The following POT1 variants were observed in gnomAD, a reference collection of about 807,000 sequenced individuals.
POT1 encodes the protein protection of telomeres 1.
Under a neutral mutation model 78.5 loss-of-function variants are expected in POT1, and 47 were observed. The observed-to-expected ratio is 0.60, with a 90% CI of 0.47 to 0.76. The LOEUF (loss-of-function observed/expected upper bound fraction) is 0.76, where lower values mean the gene tolerates loss of function less well. POT1 is among the 30% of genes least tolerant of loss of function. The pLI, the probability that POT1 is intolerant of heterozygous loss-of-function variation, is 0.00. For synonymous variants in POT1, 259 were observed against 260.7 expected (o/e 0.99, Z 0.06); for missense variants, 646 against 749.9 (o/e 0.86, Z 1.62).
intron 3 of POT1, among the ~76,000 whole-genome samples, chr7:124,913,782 T>A (rs1796948566): frequency 1.3e-5 from 2 of 152,126 alleles, no homozygotes; most frequent in South Asian, 2.1e-4. Context: ...AATTGGAACG[T>A]CTTTTATTTC....
chr7:124,922,560 T>G (rs971659439), intron 2 of POT1, among the ~76,000 whole-genome samples: 1 of 151,866 alleles, frequency 6.6e-6, no homozygotes, highest in African/African-American at 2.4e-5. Context: ...AACTGTAACA[T>G]GGGGAGTGGT....
chr7:124,823,895 A>G lies in POT1; in HGVS notation c.*67T>C. Reference sequence around the variant, plus strand: ...ACATTGCTGATACAAAACTCAGGTCAGGAAAAGAAGCTCAAACAGGGAAGG... The same window carrying G: ...ACATTGCTGATACAAAACTCAGGTCGGGAAAAGAAGCTCAAACAGGGAAGG... On this transcript the variant is annotated 3_prime_UTR_variant, in exon 19 of 19. Transcript: ENST00000357628. The G allele has an allele frequency of 1.0e-6, 1 of 1,001,092 alleles. No homozygotes were observed. 62.0% of individuals were successfully genotyped at this position (1,001,092 alleles called of 1,614,324 possible).
At chr7:124,829,595 C>T (rs1245243588) in intron 15 of POT1, among the ~76,000 whole-genome samples, 1 of 151,988 alleles carries the variant, frequency 6.6e-6, no homozygotes, top group Non-Finnish European at 1.5e-5. Flanking sequence ...ACAGGGTGCT[C>T]GGTTCCAGGT....
intron 2 of POT1, among the ~76,000 whole-genome samples, chr7:124,918,691 T>C (rs1237794626): frequency 1.3e-5 from 2 of 152,180 alleles, no homozygotes; most frequent in African/African-American, 2.4e-5. Context: ...CCAGAGAGAC[T>C]GATGTCCCAG....
At chr7:124,890,526 T>C (rs1022737604) in intron 6 of POT1, among the ~76,000 whole-genome samples, 1 of 152,014 alleles carries the variant, frequency 6.6e-6, no homozygotes, top group African/African-American at 2.4e-5. Flanking sequence ...CAAAGAAATC[T>C]TTTGTAAAAG....
intron 14 of POT1, among the ~76,000 whole-genome samples, chr7:124,837,372 T>C (rs889444402): frequency 1.8e-4 from 28 of 152,092 alleles, no homozygotes; most frequent in Non-Finnish European, 1.5e-5. Context: ...TTGGAAACAA[T>C]ACAAAATGTT....
chr7:124,847,046 G>A, intron 11 of POT1, 48 bp from the exon 12 acceptor site: 1 of 1,305,908 alleles, frequency 7.7e-7, no homozygotes, highest in Non-Finnish European at 1.1e-6. Context: ...CAACTTCATT[G>A]TAGAACTGAA....
intron 11 of POT1, 142 bp from the exon 12 acceptor site, chr7:124,847,140 T>C: frequency 4.9e-6 from 3 of 606,382 alleles, no homozygotes; most frequent in Non-Finnish European, 8.8e-6. Context: ...GAAGGCTCAA[T>C]ATTGTTAAGA....
chr7:124,842,611 T>C (rs1795054528), intron 13 of POT1, among the ~76,000 whole-genome samples, 196 bp downstream of exon 13: 1 of 151,992 alleles, frequency 6.6e-6, no homozygotes, highest in African/African-American at 2.4e-5. Flanking sequence ...GATCTGAAAA[T>C]AGCACCCACT....
intron 9 of POT1, among the ~76,000 whole-genome samples, chr7:124,857,855 T>G (rs1371973138): frequency 6.6e-6 from 1 of 152,196 alleles, no homozygotes; most frequent in Non-Finnish European, 1.5e-5. Flanking sequence ...ACTAAGCTGT[T>G]AACACTTAAG....
At chr7:124,896,415 C>G (rs1796492297) in intron 5 of POT1, among the ~76,000 whole-genome samples, 1 of 151,632 alleles carries the variant, frequency 6.6e-6, no homozygotes, top group African/African-American at 2.4e-5. Flanking sequence ...AAAAGTACAT[C>G]AGTTCTTTTA....
intron 14 of POT1, among the ~76,000 whole-genome samples, chr7:124,839,967 G>A (rs1794987084): frequency 6.7e-6 from 1 of 150,352 alleles, no homozygotes; most frequent in African/African-American, 2.4e-5. Context: ...TCTCAGTGTT[G>A]TACATTCTAT....
intron 2 of POT1, among the ~76,000 whole-genome samples, chr7:124,919,259 G>A (rs551551454): frequency 8.5e-5 from 13 of 152,244 alleles, no homozygotes; most frequent in African/African-American, 2.6e-4. Context: ...GTTATGGGAT[G>A]GACCACCATC....
chr7:124,906,927 G>A (rs576111623), intron 3 of POT1, among the ~76,000 whole-genome samples: 1 of 152,126 alleles, frequency 6.6e-6, no homozygotes, highest in Admixed American at 6.6e-5. Context: ...TCATTAGATC[G>A]AATTGAAAAT....
intron 11 of POT1, among the ~76,000 whole-genome samples, chr7:124,850,322 T>A (rs1002539201): frequency 2.0e-5 from 3 of 152,236 alleles, no homozygotes; most frequent in African/African-American, 7.2e-5. Flanking sequence ...TGTCATCAGT[T>A]AACAGCTAAG....
intron 7 of POT1, among the ~76,000 whole-genome samples, chr7:124,864,708 T>C (rs2116546060): frequency 6.6e-6 from 1 of 152,302 alleles, no homozygotes; most frequent in East Asian, 1.9e-4. Context: ...TTCACAAATA[T>C]CTTTTCAATG....
rs1172626087 is a variant in POT1, at chr7:124,898,077, T to C, written c.-40+184A>G. ...AAATATAAAGGAATTCCCTATTCTATCTTGTCATTCGAAAAATAAAACCAA... is the reference window on the plus strand; with the variant it reads ...AAATATAAAGGAATTCCCTATTCTACCTTGTCATTCGAAAAATAAAACCAA... On this transcript the variant is annotated intron_variant, in intron 4 of 18. Transcript: ENST00000357628. Among the ~76,000 whole-genome samples, 10 of 152,078 alleles carry C rather than the reference T, an allele frequency of 6.6e-5. No homozygotes were observed. The South Asian group carries it at 2.1e-3, about 31-fold the overall frequency.
intron 4 of POT1, among the ~76,000 whole-genome samples, chr7:124,897,966 A>G (rs1188756439): frequency 1.3e-5 from 2 of 151,996 alleles, no homozygotes; most frequent in African/African-American, 2.4e-5. Flanking sequence ...ATCAAGTAGA[A>G]CAAAGTGCCT....
intron 3 of POT1, among the ~76,000 whole-genome samples, chr7:124,909,220 T>C (rs1247758781): frequency 6.6e-6 from 1 of 151,874 alleles, no homozygotes; most frequent in Non-Finnish European, 1.5e-5. Context: ...TAAAACTGAC[T>C]TTAAAATATG....
Sources: gnomAD v4.1 joint callset for allele counts (sites outside exome capture counted in the v4.1 genomes callset) on GRCh38, gnomAD v4.1.1 for gene constraint, MANE v1.5 for transcripts, NCBI Gene and HGNC (gene_info 2026-07-23, HGNC 2026-07-21) for gene names.